The following LAIR2 variants were observed in gnomAD, a reference collection of about 807,000 sequenced individuals.
LAIR2 encodes the protein leukocyte-associated immunoglobulin-like receptor 2.
Under a neutral mutation model 14.8 loss-of-function variants are expected in LAIR2, and 14 were observed. The ratio of observed to expected loss-of-function variants is 0.95; its 90% CI spans 0.62 to 1.48. The LOEUF is 1.48. Ranked by LOEUF, LAIR2 falls within the 40% of genes most tolerant of loss-of-function variation. The pLI is 0.00. For missense variants in LAIR2, 172 were observed against 180.9 expected, an observed-to-expected ratio of 0.95 and a Z score of 0.28; for synonymous variants, 75 against 74.5, an observed-to-expected ratio of 1.01 and a Z score of -0.03.
chr19:54,508,298 T>G, intron 3 of LAIR2, 114 bp downstream of exon 3: 1 of 1,035,864 alleles, frequency 9.7e-7, no homozygotes. Context: ...CGTTGCCCTC[T>G]TCCTGACCCC....
chr19:54,504,280 A>G (rs1033192780), intron 2 of LAIR2, among the ~76,000 whole-genome samples: 10 of 152,096 alleles, frequency 6.6e-5, no homozygotes, highest in African/African-American at 2.2e-4. Flanking sequence ...CTTATTTTTA[A>G]TCGACAAATA....
chr19:54,503,789 G>T, intron 2 of LAIR2, 54 bp downstream of exon 2: 1 of 1,612,026 alleles, frequency 6.2e-7, no homozygotes. Context: ...CCCAAAGGCA[G>T]TGCTGGGTGG....
rs1399875843 is a variant in LAIR2 at position 54,508,043 on chromosome 19, T to TTTCGAC, written c.226_231dup (p.Arg76_Leu77dup). The TTTCGAC allele has an allele frequency of 6.2e-7, 1 of 1,614,058 alleles. No homozygotes were observed. Among genetic ancestry groups the TTTCGAC allele is most frequent in the East Asian group, 2.2e-5 (1 of 44,888 alleles). On this transcript the variant is annotated inframe_insertion, in exon 3 of 5. Coordinates refer to ENST00000301202, the MANE Select transcript of LAIR2 (RefSeq NM_002288.6). The stretch of plus-strand genomic sequence containing the variant: ...CAAGTACAAAGATAGTTATAATGTG[T>TTTCGAC]TTCGACTTGGTCCATCTGAGTCAGA...
rs759067931 is a variant in LAIR2 at position 54,507,978 on chromosome 19, T to C, written c.158T>C (p.Val53Ala). The change falls in exon 3 of 5, where the codon GTT becomes GCT. Residue 53 changes from valine to alanine, a missense_variant. By Grantham distance (64) the Val-to-Ala change is moderately conservative. Transcript: ENST00000301202. ...GTGACTTTCATGTGCCGGGGCCCGG[T>C]TGGGGTTCAAACATTCCGCCTGGAG... ...SHVTFMCRGP[V>A]GVQTFRLERE... The C allele has an allele frequency of 1.9e-6, 3 of 1,613,822 alleles. No individual in the cohort carries two copies. The highest frequency in any genetic ancestry group is 1.7e-6 in the Non-Finnish European group (2 of 1,179,948).
In LAIR2 at chr19:54,508,192, C is replaced by T. The variant is rs185377075; in HGVS notation, c.364+8C>T. ...TGGAGCTGCTGGTGAAAGGTGAGGA[C>T]GTCACCTGGGCCCTGCCCCAGTCTC... On this transcript the variant is annotated splice_region_variant and intron_variant, in intron 3 of 4. Transcript: ENST00000301202. 486 of 1,605,034 alleles carry T rather than the reference C, an allele frequency of 3.0e-4. 1 individual carries two copies. The African/African-American group carries it at 4.5e-3, about 15-fold the overall frequency.
intron 2 of LAIR2, among the ~76,000 whole-genome samples, chr19:54,506,123 T>A (rs2085359683): frequency 6.6e-6 from 1 of 152,062 alleles, no homozygotes; most frequent in South Asian, 2.1e-4. Flanking sequence ...CCGCGCCTGG[T>A]CTGATTTTTA....
At chr19:54,504,905 C>T (rs534229240) in intron 2 of LAIR2, among the ~76,000 whole-genome samples, 17 of 152,310 alleles carry the variant, frequency 1.1e-4, no homozygotes, top group African/African-American at 4.1e-4. Flanking sequence ...CCACTGCACC[C>T]GGCCGAGATG....
chr19:54,505,583 C>A (rs2085350795), intron 2 of LAIR2, among the ~76,000 whole-genome samples: 3 of 152,084 alleles, frequency 2.0e-5, no homozygotes, highest in Non-Finnish European at 4.4e-5. Context: ...AAATTGCATT[C>A]AAAAATTTTC....
At position 54,507,421 on chromosome 19, in the gene LAIR2, G is replaced by A. The variant is rs867588432; in HGVS notation, c.71-470G>A. Among the ~76,000 whole-genome samples, 491 of 144,242 alleles carry A rather than the reference G, an allele frequency of 3.4e-3. 1 individual carries two copies. The highest frequency in any genetic ancestry group is 8.2e-3 in the East Asian group (39 of 4,732). The allele number at this position is 144,242 out of a possible 152,430, so 94.6% of individuals were successfully genotyped here. On this transcript the variant is annotated intron_variant, in intron 2 of 4. Coordinates refer to ENST00000301202, the MANE Select transcript of LAIR2 (RefSeq NM_002288.6). ...CCCTCAAAGGAGCCTGGCAACCCCCGTCCCACACTCAGTCCCACCCGGGGA... is the reference window on the plus strand; with the variant it reads ...CCCTCAAAGGAGCCTGGCAACCCCCATCCCACACTCAGTCCCACCCGGGGA...
intron 2 of LAIR2, among the ~76,000 whole-genome samples, chr19:54,505,347 C>T (rs541816563): frequency 1.1e-3 from 170 of 152,228 alleles, no homozygotes; most frequent in African/African-American, 3.8e-3. Flanking sequence ...CCTGGATGCA[C>T]CATGTCACCC....
chr19:54,505,756 C>T (rs192850714), intron 2 of LAIR2, among the ~76,000 whole-genome samples: 4 of 152,174 alleles, frequency 2.6e-5, no homozygotes, highest in Admixed American at 6.5e-5. Flanking sequence ...TACATTCCTC[C>T]AGGTTCTTTC....
Position 54,502,989 on chromosome 19 carries a change from G to A in LAIR2, c.34+37G>A, listed in dbSNP as rs199798958. The A allele has an allele frequency of 3.2e-4, 502 of 1,591,392 alleles. 6 individuals carry two copies. In the South Asian group the frequency reaches 4.4e-3, roughly 14 times the overall value. ...AGGGAGCGGGAAGGACTGGAAAGGG[G>A]GTCGGGAGGTCTGGAAAGTTCCCTG... On this transcript the variant is annotated intron_variant, in intron 1 of 4. Transcript: ENST00000301202.
intron 2 of LAIR2, among the ~76,000 whole-genome samples, chr19:54,507,519 G>C (rs62131567): frequency 0.052 from 7,461 of 143,534 alleles, 221 homozygotes; most frequent in Non-Finnish European, 0.08. Context: ...TGTCCTTCAC[G>C]AATGACCCTG....
Position 54,508,128 on chromosome 19 carries a change from A to G in LAIR2, c.308A>G (p.Tyr103Cys), listed in dbSNP as rs375602702. The change falls in exon 3 of 5, where the codon TAT (tyrosine) becomes TGT (cysteine). Residue 103 changes from tyrosine to cysteine, a missense_variant. Coordinates refer to ENST00000301202, the MANE Select transcript of LAIR2 (RefSeq NM_002288.6). ...EGNAGLYRCL[Y>C]YKPPGWSEHS... is the part of the protein sequence containing the mutation. ...AATGCCGGGCTTTATCGCTGCCTCT[A>G]TTATAAGCCCCCTGGATGGTCTGAG... The G allele has an allele frequency of 1.1e-5, 18 of 1,613,974 alleles. No homozygotes were observed. The highest frequency in any genetic ancestry group is 1.7e-5 in the Admixed American group (1 of 60,008).
chr19:54,503,496 C>CG (rs1213144070), intron 1 of LAIR2, among the ~76,000 whole-genome samples: 1 of 152,072 alleles, frequency 6.6e-6, no homozygotes, highest in Non-Finnish European at 1.5e-5. Context: ...GAGCAGGAGC[C>CG]TTTTTGGAAG....
Position 54,502,857 on chromosome 19 carries a change from GAGGCCCCCGGCCAGCAC to G in LAIR2, c.-60_-44del. On this transcript the variant is annotated 5_prime_UTR_variant, in exon 1 of 5. Coordinates refer to ENST00000301202, the MANE Select transcript of LAIR2 (RefSeq NM_002288.6). ...GTTGCTGTGGAAGCCCCACGGGCAG[GAGGCCCCCGGCCAGCAC>G]ATCCTGTCTGCTTGTGTCTGCTGCA... 2 of 1,607,076 alleles carry G rather than the reference GAGGCCCCCGGCCAGCAC, an allele frequency of 1.2e-6. No individual in the cohort carries two copies. Among genetic ancestry groups the G allele is most frequent in the Non-Finnish European group, 1.7e-6 (2 of 1,173,568 alleles).
At chr19:54,508,956 C>T (rs2085418801) in intron 3 of LAIR2, 79 bp from the exon 4 acceptor site, 1 of 471,018 alleles carries the variant, frequency 2.1e-6, no homozygotes, top group African/African-American at 2.0e-5. Flanking sequence ...GTCATGCGGC[C>T]TTTGGATGGG....
At chr19:54,506,253 G>A (rs2085361922) in intron 2 of LAIR2, among the ~76,000 whole-genome samples, 1 of 152,166 alleles carries the variant, frequency 6.6e-6, no homozygotes, top group Non-Finnish European at 1.5e-5. Context: ...AGGCAACGTA[G>A]GCATTCCTCC....
Position 54,508,127 on chromosome 19 carries a change from T to G in LAIR2, c.307T>G (p.Tyr103Asp), listed in dbSNP as rs2085400934. Residue 103 changes from tyrosine (Y) to aspartate (D), a missense_variant, in exon 3 of 5, where the codon TAT becomes GAT. This residue lies in a region of LAIR2 where 161 missense variants were observed against 149.0 expected (regional missense o/e 1.08). Coordinates refer to ENST00000301202, the MANE Select transcript of LAIR2 (RefSeq NM_002288.6). ...EGNAGLYRCLYYKPPGWSEHS... is the reference protein window; with the variant it reads ...EGNAGLYRCLDYKPPGWSEHS... ...AAATGCCGGGCTTTATCGCTGCCTC[T>G]ATTATAAGCCCCCTGGATGGTCTGA... The G allele has an allele frequency of 6.2e-7, 1 of 1,613,980 alleles. No homozygotes were observed. Among genetic ancestry groups the G allele is most frequent in the African/African-American group, 1.3e-5 (1 of 74,922 alleles).
Sources: allele counts gnomAD v4.1 joint callset (sites outside exome capture counted in the v4.1 genomes callset), GRCh38; gene constraint gnomAD v4.1.1; regional missense constraint gnomAD v4.1.1; transcripts MANE v1.5; gene names NCBI Gene and HGNC (gene_info 2026-07-23, HGNC 2026-07-21).